SH3BGR: variants seen among roughly 807,000 people sequenced by gnomAD.
SH3BGR encodes SH3 domain binding glutamate rich protein.
In SH3BGR, 29 loss-of-function variants were observed where a neutral mutation model predicts 24.5. The ratio of observed to expected loss-of-function variants is 1.18; its 90% CI spans 0.88 to 1.61. The LOEUF (loss-of-function observed/expected upper bound fraction) is 1.61. SH3BGR is among the 40% of genes most tolerant of loss of function. The pLI is 0.00. For missense variants in SH3BGR, 162 were observed against 205.8 expected (o/e 0.79, Z 1.30); for synonymous variants, 55 against 65.7 (o/e 0.84, Z 0.79).
At chr21:39,500,750 G>A (rs2078480719) in intron 4 of SH3BGR, among the ~76,000 whole-genome samples, 1 of 152,074 alleles carries the variant, frequency 6.6e-6, no homozygotes, top group Non-Finnish European at 1.5e-5. Flanking sequence ...GAGAGGTGTG[G>A]GAGCTTTTAT....
intron 3 of SH3BGR, among the ~76,000 whole-genome samples, chr21:39,476,072 A>G (rs888688592): frequency 5.3e-5 from 8 of 152,216 alleles, no homozygotes; most frequent in Non-Finnish European, 8.8e-5. Context: ...TGAAAAGTGG[A>G]TGAAACAGAG....
intron 2 of SH3BGR, among the ~76,000 whole-genome samples, chr21:39,464,948 G>T (rs77231055): frequency 0.13 from 19,730 of 151,972 alleles, 1,655 homozygotes; most frequent in South Asian, 0.17. Flanking sequence ...ATTCAAAATG[G>T]TATCTAGTGA....
At chr21:39,501,165 G>A (rs1039626146) in intron 4 of SH3BGR, among the ~76,000 whole-genome samples, 31 of 152,284 alleles carry the variant, frequency 2.0e-4, no homozygotes, top group African/African-American at 7.2e-4. Context: ...CACCCTTACA[G>A]TCATATTGAT....
chr21:39,490,863 G>C (rs2078288165), intron 3 of SH3BGR, among the ~76,000 whole-genome samples: 1 of 151,848 alleles, frequency 6.6e-6, no homozygotes, highest in Non-Finnish European at 1.5e-5. Flanking sequence ...CACCTGAGTA[G>C]CTGGGACTAC....
chr21:39,514,359 T>A (rs2078747691), intron 6 of SH3BGR, among the ~76,000 whole-genome samples: 2 of 151,934 alleles, frequency 1.3e-5, no homozygotes, highest in Admixed American at 6.6e-5. Flanking sequence ...ATTATTATTA[T>A]TATTTATTTA....
chr21:39,514,533 C>T (rs530026502), intron 6 of SH3BGR, among the ~76,000 whole-genome samples: 3 of 152,014 alleles, frequency 2.0e-5, no homozygotes, highest in Admixed American at 1.3e-4. Flanking sequence ...GGCTAATTTT[C>T]GTATTTTTTG....
intron 1 of SH3BGR, among the ~76,000 whole-genome samples, chr21:39,459,624 C>T (rs113881985): frequency 0.014 from 2,180 of 152,162 alleles, 21 homozygotes; most frequent in Middle Eastern, 0.044. Flanking sequence ...CCTCCACCTC[C>T]CAGGCTCAAG....
At chr21:39,508,562 A>G (rs949529292) in intron 4 of SH3BGR, among the ~76,000 whole-genome samples, 1 of 152,256 alleles carries the variant, frequency 6.6e-6, no homozygotes. Flanking sequence ...ACCTACTTTT[A>G]TTAACTTGTT....
At chr21:39,447,416 CTTTTTTTTTTTT>C (rs910615975), upstream of SH3BGR, among the ~76,000 whole-genome samples, 28 of 114,710 alleles carry the variant, frequency 2.4e-4, no homozygotes, top group African/African-American at 9.2e-4. Context: ...TTCGCTTTTG[CTTTTTTTTTTTT>C]TTTTTTTTGA....
intron 3 of SH3BGR, among the ~76,000 whole-genome samples, chr21:39,480,957 C>G (rs2078120459): frequency 6.6e-6 from 1 of 152,140 alleles, no homozygotes; most frequent in Non-Finnish European, 1.5e-5. Context: ...CTCAAATAGG[C>G]AGGGAAATTG....
intron 3 of SH3BGR, among the ~76,000 whole-genome samples, chr21:39,492,752 T>C (rs2078326247): frequency 6.6e-6 from 1 of 152,136 alleles, no homozygotes; most frequent in African/African-American, 2.4e-5. Flanking sequence ...AGTGTAGAAG[T>C]GTTCCCTGTT....
At chr21:39,460,439 T>C (rs75546017) in intron 1 of SH3BGR, among the ~76,000 whole-genome samples, 27,848 of 152,156 alleles carry the variant, frequency 0.18, 2,682 homozygotes, top group Middle Eastern at 0.27. Context: ...CATAGTAAAG[T>C]ATCTTTTTTA....
chr21:39,489,627 G>A (rs1187921265), intron 3 of SH3BGR, among the ~76,000 whole-genome samples: 1 of 152,252 alleles, frequency 6.6e-6, no homozygotes, highest in Non-Finnish European at 1.5e-5. Context: ...GGGACAGAGA[G>A]AAGTTTAGAT....
chr21:39,465,530 C>A (rs1248049827), intron 2 of SH3BGR, among the ~76,000 whole-genome samples: 1 of 152,098 alleles, frequency 6.6e-6, no homozygotes, highest in Non-Finnish European at 1.5e-5. Context: ...TCATATACGA[C>A]TTTGTTTTCT....
At chr21:39,453,574 T>C (rs1225431961) in intron 1 of SH3BGR, among the ~76,000 whole-genome samples, 2 of 152,224 alleles carry the variant, frequency 1.3e-5, no homozygotes, top group Non-Finnish European at 2.9e-5. Flanking sequence ...AAGGTTTATT[T>C]GATGTCCTGT....
In SH3BGR at chr21:39,510,437, C is replaced by CACACACACACACACTGTAGCT. The variant is rs2078664863; in HGVS notation, c.436-1229_436-1228insTGTAGCTACACACACACACAC. Among the ~76,000 whole-genome samples the CACACACACACACACTGTAGCT allele has an allele frequency of 4.9e-5, 5 of 102,716 alleles. 1 individual carries two copies. Among genetic ancestry groups the CACACACACACACACTGTAGCT allele is most frequent in the African/African-American group, 2.3e-4 (5 of 21,710 alleles). The allele number at this position is 102,716 out of a possible 152,430, so 67.4% of individuals were successfully genotyped here. A position where few individuals can be genotyped will look rare whatever the true frequency, so the allele number is the denominator to read the frequency against. On this transcript the variant is annotated intron_variant, in intron 5 of 6. Coordinates refer to ENST00000333634, the MANE Select transcript of SH3BGR (RefSeq NM_007341.3). ...CACACACACACTGTAGCTACACACA[C>CACACACACACACACTGTAGCT]ACACACACACACACACACTGTAGCT...
At chr21:39,508,632 A>C (rs1360128583) in intron 4 of SH3BGR, among the ~76,000 whole-genome samples, 23 of 152,250 alleles carry the variant, frequency 1.5e-4, no homozygotes, top group Admixed American at 1.5e-3. Flanking sequence ...ATTTTTGTTC[A>C]AATTTTTACA....
chr21:39,466,128 A>G (rs1368694664), intron 2 of SH3BGR, among the ~76,000 whole-genome samples: 3 of 152,206 alleles, frequency 2.0e-5, no homozygotes, highest in Admixed American at 6.5e-5. Flanking sequence ...ATTTTGATCA[A>G]TATTGGCAAA....
At position 39,451,977 on chromosome 21, in the gene SH3BGR, C is replaced by G. The variant is rs190564988; in HGVS notation, c.-120C>G. 6.2e-7 allele frequency: 1 copy of G among 1,614,158 alleles called. No individual in the cohort carries two copies. The highest frequency in any genetic ancestry group is 1.7e-5 in the Admixed American group (1 of 60,022). ...GCGGGACTGCCGGAGCCCAGTGGAC[C>G]CCTGGGCTGCTGCCAGCCCCGACCT... On this transcript the variant is annotated 5_prime_UTR_variant, in exon 1 of 7. Coordinates refer to ENST00000333634, the MANE Select transcript of SH3BGR (RefSeq NM_007341.3).
Sources: allele counts gnomAD v4.1 joint callset (sites outside exome capture counted in the v4.1 genomes callset), GRCh38; gene constraint gnomAD v4.1.1; transcripts MANE v1.5; gene names NCBI Gene and HGNC (gene_info 2026-07-23, HGNC 2026-07-21).